Variants in TFB1M observed in about 807,000 individuals in gnomAD.
The protein encoded by TFB1M is transcription factor B1, mitochondrial.
TFB1M carries 27 observed loss-of-function variants against 31.1 expected under a neutral mutation model. The observed-to-expected ratio is 0.87, with a 90% CI of 0.64 to 1.20. TFB1M has a LOEUF of 1.20. TFB1M is among the 50% of genes most tolerant of loss of function. The pLI, the probability that TFB1M is intolerant of heterozygous loss-of-function variation, is 0.00. For synonymous variants in TFB1M, 166 were observed against 151.8 expected, an observed-to-expected ratio of 1.09 and a Z score of -0.69; for missense variants, 394 against 418.7, an observed-to-expected ratio of 0.94 and a Z score of 0.51.
chr6:155,311,181 A>G lies in TFB1M; in HGVS notation c.285+7T>C, dbSNP rs913375483. ...GCCTCCTAAAGCAGACACTTTAAGC[A>G]TCTCACCTGTAATCCAGGAATAAAT... is the stretch of plus-strand genomic sequence containing the variant. On this transcript the variant is annotated splice_region_variant and intron_variant, in intron 2 of 6. Coordinates refer to ENST00000367166, the MANE Select transcript of TFB1M (RefSeq NM_016020.4). 8 of 1,613,924 alleles carry G rather than the reference A, an allele frequency of 5.0e-6. No homozygotes were observed. The highest frequency in any genetic ancestry group is 1.7e-5 in the Admixed American group (1 of 60,006).
chr6:155,283,793 A>G (rs577540800), intron 5 of TFB1M, among the ~76,000 whole-genome samples: 9 of 152,252 alleles, frequency 5.9e-5, no homozygotes, highest in Non-Finnish European at 1.2e-4. Flanking sequence ...AAAATGTTAT[A>G]TGCACACACA....
chr6:155,232,638 T>G, the TFB1M span: 1 of 152,244 alleles, frequency 6.6e-6, no homozygotes, highest in East Asian at 1.9e-4. Flanking sequence ...TCCAGGCTGA[T>G]GGCTCAGCAC....
chr6:155,304,330 G>A (rs1777568126), intron 2 of TFB1M, among the ~76,000 whole-genome samples: 1 of 151,982 alleles, frequency 6.6e-6, no homozygotes, highest in Non-Finnish European at 1.5e-5. Context: ...ACAATACAAT[G>A]ACTTACTTTC....
chr6:155,272,257 T>C (rs1234613318), intron 5 of TFB1M, among the ~76,000 whole-genome samples: 1 of 152,204 alleles, frequency 6.6e-6, no homozygotes, highest in Non-Finnish European at 1.5e-5. Context: ...TTCGGTATTA[T>C]TTAGTTCGAA....
At chr6:155,271,768 A>G (rs1042314179) in intron 5 of TFB1M, among the ~76,000 whole-genome samples, 2 of 152,228 alleles carry the variant, frequency 1.3e-5, no homozygotes, top group Non-Finnish European at 1.5e-5. Flanking sequence ...AATTTCAAAA[A>G]TAAGTTATAA....
rs371025709 is a variant in TFB1M, at chr6:155,285,248, C to T, written c.576G>A (p.Gln192=). 2 of 1,614,034 alleles carry T rather than the reference C, an allele frequency of 1.2e-6. No individual in the cohort carries two copies. Among genetic ancestry groups the T allele is most frequent in the Non-Finnish European group, 1.7e-6 (2 of 1,179,908 alleles). Residue 192 remains glutamine, a synonymous_variant, in exon 5 of 7, where the codon CAG becomes CAA. Coordinates refer to ENST00000367166, the MANE Select transcript of TFB1M (RefSeq NM_016020.4). ...GAGCCATAACAGAGAGGCGACTACGCTGTTTGCTTCCTGTATTGGCTGCAA... is the reference window on the plus strand; with the variant it reads ...GAGCCATAACAGAGAGGCGACTACGTTGTTTGCTTCCTGTATTGGCTGCAA... ...ERLAANTGSK[Q]RSRLSVMAQY...
At chr6:155,299,460 A>C (rs1218127278) in intron 2 of TFB1M, 1 of 152,208 alleles carries the variant, frequency 6.6e-6, no homozygotes, top group Non-Finnish European at 1.5e-5. Context: ...TGATTCTTGA[A>C]GTCCTTAGTT....
At chr6:155,258,113 A>C in intron 6 of TFB1M, 31 bp from the exon 7 acceptor site, 8 of 1,613,554 alleles carry the variant, frequency 5.0e-6, no homozygotes, top group Non-Finnish European at 6.8e-6. Context: ...CAGAAAAATA[A>C]GAATTTTACT....
chr6:155,291,203 C>T (rs1644566489), intron 4 of TFB1M, among the ~76,000 whole-genome samples: 1 of 152,152 alleles, frequency 6.6e-6, no homozygotes, highest in African/African-American at 2.4e-5. Flanking sequence ...GGATCTAACA[C>T]TAAAAACATG....
At chr6:155,241,847 G>A in the TFB1M span, among the ~76,000 whole-genome samples, 1 of 152,188 alleles carries the variant, frequency 6.6e-6, no homozygotes, top group Non-Finnish European at 1.5e-5. Flanking sequence ...CTTTTTCCAA[G>A]TCGCTGTGTG....
chr6:155,303,931 T>C (rs1034372361), intron 2 of TFB1M, among the ~76,000 whole-genome samples: 5 of 152,158 alleles, frequency 3.3e-5, no homozygotes, highest in African/African-American at 1.2e-4. Flanking sequence ...AGGTGGCATA[T>C]CTGAGATTTG....
At chr6:155,305,868 T>C (rs1043541941) in intron 2 of TFB1M, among the ~76,000 whole-genome samples, 7 of 147,366 alleles carry the variant, frequency 4.8e-5, no homozygotes, top group African/African-American at 1.3e-4. Flanking sequence ...AACTGATAAA[T>C]TGCACTTCAT....
intron 5 of TFB1M, among the ~76,000 whole-genome samples, chr6:155,282,515 T>C (rs190605964): frequency 2.0e-5 from 3 of 152,302 alleles, no homozygotes; most frequent in African/African-American, 7.2e-5. Flanking sequence ...TAATGAATGT[T>C]AGTAAATTTC....
intron 6 of TFB1M, among the ~76,000 whole-genome samples, chr6:155,259,049 C>A (rs1361274243): frequency 6.6e-6 from 1 of 152,154 alleles, no homozygotes; most frequent in Non-Finnish European, 1.5e-5. Flanking sequence ...TGGGGGGTTG[C>A]CTTGGAAACG....
the TFB1M span, among the ~76,000 whole-genome samples, chr6:155,246,754 T>C: frequency 6.6e-6 from 1 of 152,230 alleles, no homozygotes; most frequent in Admixed American, 6.5e-5. Context: ...GCTCCATTCC[T>C]CCTTTGTCAT....
chr6:155,313,555 G>A (rs971411399), intron 1 of TFB1M, among the ~76,000 whole-genome samples: 1 of 152,174 alleles, frequency 6.6e-6, no homozygotes, highest in Non-Finnish European at 1.5e-5. Flanking sequence ...AAGCAATGGT[G>A]ATGGTGGTTA....
chr6:155,237,595 A>T, the TFB1M span, among the ~76,000 whole-genome samples: 4 of 152,180 alleles, frequency 2.6e-5, no homozygotes, highest in Admixed American at 2.6e-4. Flanking sequence ...AGGCATTTCC[A>T]TACATTCTCT....
chr6:155,256,465 T>C lies in TFB1M; in HGVS notation c.*1371A>G, dbSNP rs1204439297. ...AACCTGTTTCTGTATCACAGCGAAA[T>C]GTGTTTTTCTCACTGTAGCTTCATC... is the stretch of plus-strand genomic sequence containing the variant. On this transcript the variant is annotated 3_prime_UTR_variant, in exon 7 of 7. Coordinates refer to ENST00000367166, the MANE Select transcript of TFB1M (RefSeq NM_016020.4). 1 of 1,614,016 alleles carries C rather than the reference T, an allele frequency of 6.2e-7. No homozygotes were observed. The highest frequency in any genetic ancestry group is 1.7e-5 in the Admixed American group (1 of 60,024).
intron 5 of TFB1M, among the ~76,000 whole-genome samples, chr6:155,279,108 A>G (rs1010817129): frequency 1.3e-5 from 2 of 152,158 alleles, no homozygotes; most frequent in African/African-American, 4.8e-5. Flanking sequence ...AAATGTCAAC[A>G]GTTCTGAGTT....
Sources: gnomAD v4.1 joint callset for allele counts (sites outside exome capture counted in the v4.1 genomes callset) on GRCh38, gnomAD v4.1.1 for gene constraint, MANE v1.5 for transcripts, NCBI Gene and HGNC (gene_info 2026-07-23, HGNC 2026-07-21) for gene names.